The following RBKS variants were observed in gnomAD, a reference collection of about 807,000 sequenced individuals.
RBKS encodes ribokinase.
RBKS carries 33 observed loss-of-function variants against 33.9 expected under a neutral mutation model. That is an observed-to-expected ratio of 0.97 (90% CI 0.74 to 1.30). RBKS has a LOEUF of 1.30. RBKS is among the 50% of genes most tolerant of loss of function. The pLI is 0.00. For synonymous variants in RBKS, 125 were observed against 143.0 expected (o/e 0.87, Z 0.90); for missense variants, 361 against 392.6 (o/e 0.92, Z 0.68).
intron 7 of RBKS, among the ~76,000 whole-genome samples, chr2:27,783,624 T>G (rs967185711): frequency 6.6e-6 from 1 of 151,148 alleles, no homozygotes; most frequent in Non-Finnish European, 1.5e-5. Flanking sequence ...AAACCATTCT[T>G]AGGCCGGGCG....
At chr2:27,861,666 G>T (rs879644685) in intron 1 of RBKS, 14 of 431,700 alleles carry the variant, frequency 3.2e-5, no homozygotes, top group Admixed American at 5.1e-5. Flanking sequence ...TTCTTTTTGG[G>T]GGGGGGGTGG....
At chr2:27,874,734 C>T (rs1664279296) in intron 1 of RBKS, among the ~76,000 whole-genome samples, 1 of 152,104 alleles carries the variant, frequency 6.6e-6, no homozygotes, top group South Asian at 2.1e-4. Flanking sequence ...TTTTTGTCTA[C>T]CCCTGTGGAA....
At chr2:27,869,249 T>A (rs993062831) in intron 1 of RBKS, among the ~76,000 whole-genome samples, 1 of 152,206 alleles carries the variant, frequency 6.6e-6, no homozygotes, top group Non-Finnish European at 1.5e-5. Flanking sequence ...TGAAGAACAC[T>A]GGTGTTCTTC....
rs1351216824 is a variant in RBKS, at chr2:27,804,664, G to T, written c.796-22876C>A. Among the ~76,000 whole-genome samples, 4 of 152,178 alleles carry T rather than the reference G, an allele frequency of 2.6e-5. No homozygotes were observed. In the East Asian group the frequency reaches 7.7e-4, roughly 29 times the overall value. On this transcript the variant is annotated intron_variant, in intron 7 of 7. Transcript: ENST00000302188. Reference sequence around the variant, plus strand: ...TTCCCAATAAGCACTGAGGCAACAGGTTTAGCTTCCTTCCTGGCCAGAAGT... The same window carrying T: ...TTCCCAATAAGCACTGAGGCAACAGTTTTAGCTTCCTTCCTGGCCAGAAGT...
intron 6 of RBKS, among the ~76,000 whole-genome samples, chr2:27,829,580 G>A (rs1018968377): frequency 6.6e-6 from 1 of 151,772 alleles, no homozygotes; most frequent in Non-Finnish European, 1.5e-5. Flanking sequence ...TGTTGACCAG[G>A]ATGGTCTCGA....
chr2:27,805,012 TAA>T (rs754170577), intron 7 of RBKS, among the ~76,000 whole-genome samples: 13 of 140,652 alleles, frequency 9.2e-5, no homozygotes, highest in East Asian at 2.1e-4. Flanking sequence ...GACCTTGTCT[TAA>T]AAAAAAAAAA....
rs869036134 is a variant in RBKS, at chr2:27,801,963, A to AATAT, written c.796-20179_796-20176dup. ...CGAGTAGCTGGGGAAAAAAAAAAAA[A>AATAT]ATATATATATATATATATATATATA... On this transcript the variant is annotated intron_variant, in intron 7 of 7. Transcript: ENST00000302188. Among the ~76,000 whole-genome samples, 144 of 47,600 alleles carry AATAT rather than the reference A, an allele frequency of 3.0e-3. 1 individual carries two copies. Among genetic ancestry groups the AATAT allele is most frequent in the South Asian group, 4.9e-3 (5 of 1,026 alleles). 31.2% of individuals were successfully genotyped at this position (47,600 alleles called of 152,430 possible).
At chr2:27,821,537 A>G (rs763573927) in intron 7 of RBKS, among the ~76,000 whole-genome samples, 2 of 152,332 alleles carry the variant, frequency 1.3e-5, no homozygotes, top group African/African-American at 2.4e-5. Flanking sequence ...TTTTAAGTGG[A>G]TGGGTCATGG....
chr2:27,835,763 A>G (rs929451922), intron 5 of RBKS, among the ~76,000 whole-genome samples: 1 of 151,944 alleles, frequency 6.6e-6, no homozygotes, highest in Non-Finnish European at 1.5e-5. Context: ...ACAAGCACAC[A>G]TAACTATATG....
chr2:27,843,079 G>C lies in RBKS; in HGVS notation c.502C>G (p.Arg168Gly), dbSNP rs201716905. Residue 168 changes from arginine to glycine, a missense_variant, in exon 5 of 8, where the codon CGC (arginine) becomes GGC (glycine). Transcript: ENST00000302188. Reference protein sequence around the residue: ...ATSLEALTMARRSGVKTLFNP... With the variant: ...ATSLEALTMAGRSGVKTLFNP... The stretch of plus-strand genomic sequence containing the variant: ...TATGTATAATTACCTCCACTCCTGC[G>C]GGCCATTGTTAGGGCTTCCAAAGAA... 20 of 1,592,754 alleles carry C rather than the reference G, an allele frequency of 1.3e-5. No homozygotes were observed. In the Admixed American group the frequency reaches 3.5e-4, roughly 28 times the overall value.
intron 1 of RBKS, among the ~76,000 whole-genome samples, chr2:27,876,696 A>G (rs978211703): frequency 1.3e-5 from 2 of 152,186 alleles, no homozygotes; most frequent in Admixed American, 1.3e-4. Flanking sequence ...TAATAAGAAC[A>G]TCATTTCCAT....
rs1664172744 is a variant in RBKS, at chr2:27,870,082, G to A, written c.90-11511C>T. 5 of 152,266 alleles carry A rather than the reference G, an allele frequency of 3.3e-5. No individual in the cohort carries two copies. In the South Asian group the frequency reaches 1.0e-3, roughly 32 times the overall value. 9.4% of individuals were successfully genotyped at this position (152,266 alleles called of 1,614,324 possible). ...GCAGATCCATTCCTTCCCAGTCTGG[G>A]GGGTCTTTTGTGGTTGGGAAGTAAT... On this transcript the variant is annotated intron_variant, in intron 1 of 7. Coordinates refer to ENST00000302188, the MANE Select transcript of RBKS (RefSeq NM_022128.3).
At position 27,843,202 on chromosome 2, in the gene RBKS, C is replaced by G; in HGVS notation, c.379G>C (p.Ala127Pro). 1 of 1,611,886 alleles carries G rather than the reference C, an allele frequency of 6.2e-7. No homozygotes were observed. Among genetic ancestry groups the G allele is most frequent in the Non-Finnish European group, 8.5e-7 (1 of 1,179,000 alleles). The change falls in exon 5 of 8, where the codon GCA (alanine) becomes CCA (proline). Residue 127 changes from alanine to proline, a missense_variant. Transcript: ENST00000302188. ...TCCTCCGTATTCAAAAGTAAATTTG[C>G]TCCAGCCACTATGACAATGATATTC... The part of the protein sequence containing the change: ...GQNIIVIVAG[A>P]NLLLNTEDLR...
chr2:27,870,130 A>G (rs1365426441), intron 1 of RBKS: 1 of 152,334 alleles, frequency 6.6e-6, no homozygotes, highest in Non-Finnish European at 1.5e-5. Flanking sequence ...TTAAAAGCTG[A>G]GATAGGTGAT....
At chr2:27,889,929 T>A in intron 1 of RBKS, 1 of 267,682 alleles carries the variant, frequency 3.7e-6, no homozygotes, top group Non-Finnish European at 7.1e-6. Context: ...CCCTGGCTCG[T>A]TTGGGGAAAG....
chr2:27,808,118 G>C (rs1677926463), intron 7 of RBKS, among the ~76,000 whole-genome samples: 1 of 152,194 alleles, frequency 6.6e-6, no homozygotes, highest in African/African-American at 2.4e-5. Flanking sequence ...CATTAAGATA[G>C]GTGAGAACAG....
chr2:27,840,358 G>C (rs4425040), intron 5 of RBKS, among the ~76,000 whole-genome samples: 1 of 132,344 alleles, frequency 7.6e-6, no homozygotes. Flanking sequence ...ACACACACGC[G>C]CGCGCGCACA....
chr2:27,854,308 A>C (rs914529013), intron 2 of RBKS, among the ~76,000 whole-genome samples: 7 of 152,208 alleles, frequency 4.6e-5, no homozygotes, highest in Non-Finnish European at 8.8e-5. Context: ...GACCGGTGAC[A>C]ATCTGCATGC....
At chr2:27,791,652 CA>C (rs1677527349) in intron 7 of RBKS, among the ~76,000 whole-genome samples, 1 of 55,326 alleles carries the variant, frequency 1.8e-5, no homozygotes, top group African/African-American at 4.9e-5. Context: ...ACTAAATATA[CA>C]TATACATATA....
Sources: gnomAD v4.1 joint callset for allele counts (sites outside exome capture counted in the v4.1 genomes callset) on GRCh38, gnomAD v4.1.1 for gene constraint, MANE v1.5 for transcripts, NCBI Gene and HGNC (gene_info 2026-07-23, HGNC 2026-07-21) for gene names.